CTNNA3: variants seen among roughly 807,000 people sequenced by gnomAD.
The protein encoded by CTNNA3 is catenin alpha-3.
Under a neutral mutation model 95.7 loss-of-function variants are expected in CTNNA3, and 76 were observed. That is an observed-to-expected ratio of 0.79 (90% CI 0.66 to 0.96). CTNNA3 has a LOEUF of 0.96. Ranked by LOEUF, CTNNA3 falls within the 40% of genes least tolerant of loss-of-function variation. CTNNA3 has a pLI of 0.00. For synonymous variants in CTNNA3, 431 were observed against 374.4 expected, an observed-to-expected ratio of 1.15 and a Z score of -1.74; for missense variants, 1,191 against 1,089.8, an observed-to-expected ratio of 1.09 and a Z score of -1.31.
At position 66,464,973 on chromosome 10, in the gene CTNNA3, T is replaced by C. The variant is rs77469067; in HGVS notation, c.1531+55644A>G. ...ACTTGTAAAGTGGTAATGCTGATTT[T>C]CTTCCTTAGTTCCATATGGTAATTA... On this transcript the variant is annotated intron_variant, in intron 11 of 17. Transcript: ENST00000433211. 3.6e-4 allele frequency among the ~76,000 whole-genome samples: 55 copies of C among 152,272 alleles called. No individual in the cohort carries two copies. The East Asian group carries it at 0.01, about 28-fold the overall frequency.
chr10:66,956,488 G>T (rs1397535330), intron 7 of CTNNA3, among the ~76,000 whole-genome samples: 3 of 151,942 alleles, frequency 2.0e-5, no homozygotes, highest in African/African-American at 7.3e-5. Context: ...TGTCATCCAG[G>T]CAATAAACAA....
chr10:66,817,684 G>A (rs1842143725), intron 7 of CTNNA3, among the ~76,000 whole-genome samples: 1 of 151,812 alleles, frequency 6.6e-6, no homozygotes, highest in Non-Finnish European at 1.5e-5. Flanking sequence ...AAAATCTCAG[G>A]ATCAGATAAA....
intron 3 of CTNNA3, among the ~76,000 whole-genome samples, chr10:67,596,433 G>A (rs1247756800): frequency 6.6e-6 from 1 of 152,144 alleles, no homozygotes; most frequent in African/African-American, 2.4e-5. Context: ...TGGGTTTTAA[G>A]GACCTCTTGA....
intron 9 of CTNNA3, among the ~76,000 whole-genome samples, chr10:66,626,467 T>C (rs1386796363): frequency 6.6e-6 from 1 of 152,160 alleles, no homozygotes; most frequent in African/African-American, 2.4e-5. Flanking sequence ...CATCTGGCAA[T>C]TGGTCATGCA....
At chr10:66,388,441 T>C (rs551838571) in intron 11 of CTNNA3, among the ~76,000 whole-genome samples, 1 of 152,240 alleles carries the variant, frequency 6.6e-6, no homozygotes, top group East Asian at 1.9e-4. Context: ...TCACCTCTTC[T>C]GTAGAAGTAT....
At chr10:65,991,566 G>T (rs2078547261) in intron 15 of CTNNA3, among the ~76,000 whole-genome samples, 1 of 151,452 alleles carries the variant, frequency 6.6e-6, no homozygotes, top group Admixed American at 6.6e-5. Context: ...TTTTCAGACT[G>T]GTGTATAAAA....
At chr10:67,343,216 G>T (rs1842280932) in intron 5 of CTNNA3, among the ~76,000 whole-genome samples, 1 of 152,186 alleles carries the variant, frequency 6.6e-6, no homozygotes. Context: ...CTCCCAAAGT[G>T]CTGGGATTAC....
intron 12 of CTNNA3, among the ~76,000 whole-genome samples, chr10:66,295,167 G>A (rs911927341): frequency 6.6e-6 from 1 of 151,744 alleles, no homozygotes; most frequent in Non-Finnish European, 1.5e-5. Flanking sequence ...CTGTTCAAAT[G>A]TAAGATGGAA....
At chr10:66,814,739 A>G (rs1339738406) in intron 7 of CTNNA3, among the ~76,000 whole-genome samples, 1 of 152,154 alleles carries the variant, frequency 6.6e-6, no homozygotes, top group African/African-American at 2.4e-5. Flanking sequence ...ACTCCAGCCT[A>G]GCTGACAGAG....
At chr10:66,493,735 A>G (rs1840006509) in intron 11 of CTNNA3, among the ~76,000 whole-genome samples, 1 of 148,042 alleles carries the variant, frequency 6.8e-6, no homozygotes, top group Non-Finnish European at 1.5e-5. Context: ...CCTCCCAAGT[A>G]GCTGGGATTA....
intron 5 of CTNNA3, among the ~76,000 whole-genome samples, chr10:67,478,659 A>T (rs1392221217): frequency 1.3e-5 from 2 of 152,180 alleles, no homozygotes; most frequent in Non-Finnish European, 2.9e-5. Context: ...AAAGAACAAT[A>T]ACTGCTACCA....
chr10:66,853,419 C>T (rs1010841852), intron 7 of CTNNA3, among the ~76,000 whole-genome samples: 16 of 152,112 alleles, frequency 1.1e-4, no homozygotes, highest in East Asian at 1.9e-4. Flanking sequence ...GAACATTCTA[C>T]GTTCAAGTTA....
At chr10:67,100,897 A>G (rs1163456898) in intron 7 of CTNNA3, among the ~76,000 whole-genome samples, 1 of 151,738 alleles carries the variant, frequency 6.6e-6, no homozygotes, top group Non-Finnish European at 1.5e-5. Flanking sequence ...CCACTGTACT[A>G]AAAGATTTCT....
chr10:67,431,763 T>C (rs1846119255), intron 5 of CTNNA3, among the ~76,000 whole-genome samples: 1 of 151,942 alleles, frequency 6.6e-6, no homozygotes, highest in Non-Finnish European at 1.5e-5. Flanking sequence ...TTAAGGAATA[T>C]AAATAAGATT....
At chr10:67,204,873 C>G (rs1229567949) in intron 6 of CTNNA3, among the ~76,000 whole-genome samples, 2 of 152,104 alleles carry the variant, frequency 1.3e-5, no homozygotes, top group East Asian at 3.9e-4. Flanking sequence ...GGCCACATGA[C>G]AGATGGGCAG....
intron 12 of CTNNA3, among the ~76,000 whole-genome samples, chr10:66,346,902 T>C (rs2092526160): frequency 1.3e-5 from 2 of 151,902 alleles, no homozygotes; most frequent in Non-Finnish European, 2.9e-5. Context: ...AGATTAAGAA[T>C]CTTGATTATA....
At chr10:66,454,220 T>C (rs898170938) in intron 11 of CTNNA3, among the ~76,000 whole-genome samples, 3 of 152,188 alleles carry the variant, frequency 2.0e-5, no homozygotes, top group African/African-American at 7.2e-5. Context: ...TAACTAGACT[T>C]CTAGACTGCA....
chr10:66,765,114 A>T (rs1418009811), intron 9 of CTNNA3, among the ~76,000 whole-genome samples: 1 of 152,204 alleles, frequency 6.6e-6, no homozygotes, highest in African/African-American at 2.4e-5. Flanking sequence ...GCAATCATGT[A>T]TTCATCCACT....
intron 7 of CTNNA3, among the ~76,000 whole-genome samples, chr10:67,157,645 G>A (rs1484475771): frequency 6.6e-6 from 1 of 152,094 alleles, no homozygotes; most frequent in Non-Finnish European, 1.5e-5. Context: ...AGAGACTCTA[G>A]GAAAAACCAG....
Sources: gnomAD v4.1 joint callset for allele counts (sites outside exome capture counted in the v4.1 genomes callset) on GRCh38, gnomAD v4.1.1 for gene constraint, MANE v1.5 for transcripts, NCBI Gene and HGNC (gene_info 2026-07-23, HGNC 2026-07-21) for gene names.